ZBTB20: variants seen among roughly 807,000 people sequenced by gnomAD.
The protein encoded by ZBTB20 is zinc finger and BTB domain-containing protein 20.
ZBTB20 carries 9 observed loss-of-function variants against 56.9 expected under a neutral mutation model. The observed-to-expected ratio is 0.16, with a 90% CI of 0.10 to 0.28. The LOEUF (loss-of-function observed/expected upper bound fraction) is 0.28. ZBTB20 is among the 10% of genes least tolerant of loss of function. The probability of loss-of-function intolerance (pLI) is 1.00; values close to 1 mark genes in which losing one functional copy is unlikely to be tolerated. For missense variants in ZBTB20, 655 were observed against 1,003.0 expected (o/e 0.65, Z 4.69); for synonymous variants, 417 against 420.7 (o/e 0.99, Z 0.11).
In ZBTB20 at chr3:114,332,070, T is replaced by C. The variant is rs1245311688; in HGVS notation, c.*6935A>G. 2 of 148,756 alleles carry C rather than the reference T, an allele frequency of 1.3e-5. No individual in the cohort carries two copies. The highest frequency in any genetic ancestry group is 3.0e-5 in the Non-Finnish European group (2 of 67,192). The allele number at this position is 148,756 out of a possible 1,614,324, so 9.2% of individuals were successfully genotyped here. On this transcript the variant is annotated 3_prime_UTR_variant, in exon 12 of 12. Coordinates refer to ENST00000675478, the MANE Select transcript of ZBTB20 (RefSeq NM_001348800.3). Reference sequence around the variant, plus strand: ...AGATGCCCCCAAGGTTTTTTTTTTTTTTTTTTTTTTTTTCTCTCTTGGATG... The same window carrying C: ...AGATGCCCCCAAGGTTTTTTTTTTTCTTTTTTTTTTTTTCTCTCTTGGATG...
intron 3 of ZBTB20, among the ~76,000 whole-genome samples, chr3:114,906,791 G>A (rs995372481): frequency 6.6e-6 from 1 of 151,462 alleles, no homozygotes; most frequent in Non-Finnish European, 1.5e-5. Flanking sequence ...TGAAATAAGG[G>A]CTTAAATGCA....
intron 4 of ZBTB20, among the ~76,000 whole-genome samples, chr3:114,833,348 C>A (rs1460163529): frequency 2.0e-5 from 3 of 152,114 alleles, no homozygotes; most frequent in Non-Finnish European, 4.4e-5. Context: ...AGCATCTGTA[C>A]AGTCATCCCT....
chr3:114,614,500 A>G (rs894542308), intron 6 of ZBTB20, among the ~76,000 whole-genome samples: 2 of 151,312 alleles, frequency 1.3e-5, no homozygotes, highest in African/African-American at 2.5e-5. Flanking sequence ...TAATAGGATG[A>G]CTGTAAAATG....
At chr3:114,521,719 T>C (rs958535748) in intron 6 of ZBTB20, among the ~76,000 whole-genome samples, 4 of 152,090 alleles carry the variant, frequency 2.6e-5, no homozygotes, top group Admixed American at 2.0e-4. Context: ...AAAAAGTTAA[T>C]AAATGCTTTG....
chr3:114,331,750 A>T lies in ZBTB20; in HGVS notation c.*7255T>A, dbSNP rs1474091030. ...CTCATCACAGATACTGATGCACCCA[A>T]CTAAGGCAACAAAGCATAAGCAGAT... On this transcript the variant is annotated 3_prime_UTR_variant, in exon 12 of 12. Transcript: ENST00000675478. 6.6e-6 allele frequency: 1 copy of T among 152,214 alleles called. No individual in the cohort carries two copies. Among genetic ancestry groups the T allele is most frequent in the East Asian group, 1.9e-4 (1 of 5,198 alleles). 9.4% of individuals were successfully genotyped at this position (152,214 alleles called of 1,614,324 possible).
intron 6 of ZBTB20, among the ~76,000 whole-genome samples, chr3:114,680,860 A>T (rs1578310664): frequency 6.6e-6 from 1 of 152,222 alleles, no homozygotes; most frequent in Admixed American, 6.5e-5. Context: ...CTTACAACTT[A>T]GCAGCACTGC....
intron 2 of ZBTB20, among the ~76,000 whole-genome samples, chr3:115,020,028 C>T (rs1211314850): frequency 1.3e-5 from 2 of 151,150 alleles, no homozygotes; most frequent in Non-Finnish European, 3.0e-5. Context: ...AAGAAGCAGA[C>T]AGCATGATTG....
At chr3:114,868,950 T>C (rs1215410472) in intron 4 of ZBTB20, among the ~76,000 whole-genome samples, 3 of 152,072 alleles carry the variant, frequency 2.0e-5, no homozygotes, top group Non-Finnish European at 4.4e-5. Context: ...AGGTTCCATA[T>C]GATAAGAATG....
At chr3:114,465,848 G>C (rs1436676738) in intron 7 of ZBTB20, among the ~76,000 whole-genome samples, 1 of 152,126 alleles carries the variant, frequency 6.6e-6, no homozygotes, top group Admixed American at 6.6e-5. Flanking sequence ...ATTCCCTGTG[G>C]CAGAGCTGAG....
intron 3 of ZBTB20, among the ~76,000 whole-genome samples, chr3:114,911,584 C>A (rs957532870): frequency 6.7e-6 from 1 of 150,318 alleles, no homozygotes; most frequent in East Asian, 2.0e-4. Context: ...AAAAAAGGAC[C>A]AAACAGATAC....
intron 2 of ZBTB20, among the ~76,000 whole-genome samples, chr3:115,059,027 T>C (rs1007219722): frequency 1.3e-5 from 2 of 152,200 alleles, no homozygotes; most frequent in Non-Finnish European, 2.9e-5. Flanking sequence ...AAAAGTTCCA[T>C]TTAGTTCCCT....
intron 7 of ZBTB20, among the ~76,000 whole-genome samples, chr3:114,428,812 T>C (rs1439611171): frequency 6.6e-6 from 1 of 152,200 alleles, no homozygotes; most frequent in Non-Finnish European, 1.5e-5. Context: ...GAAGTGTTTT[T>C]TACCTTAGTG....
chr3:115,014,339 T>G (rs191040195), intron 2 of ZBTB20, among the ~76,000 whole-genome samples: 2 of 151,742 alleles, frequency 1.3e-5, no homozygotes, highest in Admixed American at 1.3e-4. Context: ...AAATAATACC[T>G]AGTATTTGCT....
intron 6 of ZBTB20, among the ~76,000 whole-genome samples, chr3:114,629,344 C>G (rs999915876): frequency 1.3e-5 from 2 of 152,154 alleles, no homozygotes; most frequent in Admixed American, 1.3e-4. Context: ...ATTATCCTAG[C>G]ATTAATAATC....
chr3:114,853,147 G>A, intron 4 of ZBTB20, among the ~76,000 whole-genome samples: 1 of 152,170 alleles, frequency 6.6e-6, no homozygotes, highest in East Asian at 1.9e-4. Context: ...GTGGCAGGCT[G>A]GTGTCATTCC....
chr3:114,537,387 G>T (rs2048593068), intron 6 of ZBTB20, among the ~76,000 whole-genome samples: 1 of 152,174 alleles, frequency 6.6e-6, no homozygotes, highest in African/African-American at 2.4e-5. Context: ...ATGAAAAAAA[G>T]CTCATGATCA....
At chr3:114,616,520 G>T (rs2057954800) in intron 6 of ZBTB20, among the ~76,000 whole-genome samples, 1 of 152,070 alleles carries the variant, frequency 6.6e-6, no homozygotes, top group Non-Finnish European at 1.5e-5. Flanking sequence ...ACAATGACTG[G>T]CACATAATAG....
At chr3:115,089,571 T>C (rs2083112364) in intron 1 of ZBTB20, among the ~76,000 whole-genome samples, 1 of 151,858 alleles carries the variant, frequency 6.6e-6, no homozygotes, top group Admixed American at 6.6e-5. Flanking sequence ...CATTATCATT[T>C]AACACAATGG....
At chr3:114,942,267 T>C (rs1428823174) in intron 3 of ZBTB20, among the ~76,000 whole-genome samples, 1 of 145,958 alleles carries the variant, frequency 6.9e-6, no homozygotes, top group Non-Finnish European at 1.5e-5. Flanking sequence ...ATAAATAATG[T>C]TATTTTTGGT....
Sources: gnomAD v4.1 joint callset for allele counts (sites outside exome capture counted in the v4.1 genomes callset) on GRCh38, gnomAD v4.1.1 for gene constraint, MANE v1.5 for transcripts, NCBI Gene and HGNC (gene_info 2026-07-23, HGNC 2026-07-21) for gene names.